The following CSMD1 variants were observed in gnomAD, a reference collection of about 807,000 sequenced individuals.
CSMD1 encodes the protein CUB and sushi domain-containing protein 1.
In CSMD1, 213 loss-of-function variants were observed where a neutral mutation model predicts 417.5. The observed-to-expected ratio is 0.51, with a 90% CI of 0.46 to 0.57. The LOEUF is 0.57. Among genes scored for constraint, CSMD1 ranks in the 20% least tolerant of loss-of-function variants. CSMD1 has a pLI of 0.00. For synonymous variants in CSMD1, 2,862 were observed against 1,736.8 expected (o/e 1.65, Z -16.11); for missense variants, 6,923 against 4,529.7 (o/e 1.53, Z -15.17).
chr8:4,597,170 T>C (rs1051780611), intron 2 of CSMD1, among the ~76,000 whole-genome samples: 2 of 152,190 alleles, frequency 1.3e-5, no homozygotes, highest in African/African-American at 2.4e-5. Flanking sequence ...AGTCAAAACT[T>C]TGAAATAATA....
chr8:3,657,089 G>A (rs1003808875), intron 7 of CSMD1, among the ~76,000 whole-genome samples: 2 of 152,110 alleles, frequency 1.3e-5, no homozygotes, highest in Non-Finnish European at 2.9e-5. Context: ...CCACTACCGA[G>A]TTGCTGCACT....
chr8:4,554,463 A>G (rs1297613436), intron 2 of CSMD1, among the ~76,000 whole-genome samples: 5 of 152,166 alleles, frequency 3.3e-5, no homozygotes, highest in Non-Finnish European at 7.4e-5. Flanking sequence ...TAACATTAGA[A>G]TGTTCACGTA....
chr8:3,069,973 G>C (rs1441371837), intron 49 of CSMD1, among the ~76,000 whole-genome samples: 1 of 152,218 alleles, frequency 6.6e-6, no homozygotes, highest in Non-Finnish European at 1.5e-5. Flanking sequence ...CCACACGGAA[G>C]CTGTCAAGGT....
At chr8:3,973,102 C>T (rs1813195529) in intron 5 of CSMD1, among the ~76,000 whole-genome samples, 1 of 152,164 alleles carries the variant, frequency 6.6e-6, no homozygotes, top group Non-Finnish European at 1.5e-5. Flanking sequence ...TTTTTGCAAG[C>T]CTGCTTTCTT....
intron 12 of CSMD1, among the ~76,000 whole-genome samples, chr8:3,461,813 C>G (rs1203781404): frequency 6.6e-6 from 1 of 152,204 alleles, no homozygotes; most frequent in Non-Finnish European, 1.5e-5. Context: ...AGAACACGGA[C>G]AAGTCTAGCA....
At chr8:4,005,061 C>G (rs948943271) in intron 4 of CSMD1, among the ~76,000 whole-genome samples, 4 of 152,142 alleles carry the variant, frequency 2.6e-5, no homozygotes, top group Middle Eastern at 3.2e-3. Context: ...ATCCTATGTT[C>G]TCACTGATGT....
At chr8:4,679,949 G>T (rs566192642) in intron 1 of CSMD1, among the ~76,000 whole-genome samples, 43 of 152,040 alleles carry the variant, frequency 2.8e-4, no homozygotes, top group African/African-American at 1.0e-3. Flanking sequence ...TTATTAACAG[G>T]GCAGATTTAG....
intron 3 of CSMD1, among the ~76,000 whole-genome samples, chr8:4,047,987 G>C (rs377259318): frequency 8.2e-4 from 125 of 152,218 alleles, no homozygotes; most frequent in African/African-American, 2.4e-3. Flanking sequence ...TTTTCATCCT[G>C]AGAGCTTTAA....
intron 3 of CSMD1, among the ~76,000 whole-genome samples, chr8:4,391,336 G>C (rs1014455116): frequency 6.6e-6 from 1 of 152,242 alleles, no homozygotes; most frequent in South Asian, 2.1e-4. Context: ...CTCATCCCTT[G>C]ACTGAGCTGA....
chr8:3,895,508 G>C (rs866511090), intron 5 of CSMD1, among the ~76,000 whole-genome samples: 30 of 152,166 alleles, frequency 2.0e-4, no homozygotes, highest in South Asian at 8.3e-4. Flanking sequence ...ATCAATTTAA[G>C]TGTATCTATC....
intron 26 of CSMD1, among the ~76,000 whole-genome samples, chr8:3,268,066 G>C (rs1344469753): frequency 6.6e-6 from 1 of 152,166 alleles, no homozygotes; most frequent in East Asian, 1.9e-4. Flanking sequence ...GCCTTCCACA[G>C]CATTGATCTC....
At chr8:4,656,234 G>C (rs571693410) in intron 1 of CSMD1, among the ~76,000 whole-genome samples, 2 of 152,132 alleles carry the variant, frequency 1.3e-5, no homozygotes, top group African/African-American at 2.4e-5. Flanking sequence ...AAAGCCTTAG[G>C]TTAGGAGCCA....
intron 40 of CSMD1, 137 bp downstream of exon 40, chr8:3,151,260 T>G (rs555577539): frequency 4.7e-5 from 27 of 573,864 alleles, no homozygotes; most frequent in African/African-American, 4.1e-4. Flanking sequence ...CTGCCAAAGC[T>G]TTATTTAAAT....
chr8:3,300,489 C>A (rs764556267), intron 25 of CSMD1, among the ~76,000 whole-genome samples: 1 of 151,902 alleles, frequency 6.6e-6, no homozygotes, highest in African/African-American at 2.4e-5. Flanking sequence ...CAAGCTCAGG[C>A]GAGTGAAATG....
At chr8:4,808,628 C>A (rs1330472465) in intron 1 of CSMD1, among the ~76,000 whole-genome samples, 11 of 152,138 alleles carry the variant, frequency 7.2e-5, no homozygotes, top group Admixed American at 7.2e-4. Context: ...TAGAACACAG[C>A]CAGCAATCAT....
At chr8:2,972,543 C>G (rs889401813) in intron 57 of CSMD1, among the ~76,000 whole-genome samples, 4 of 152,172 alleles carry the variant, frequency 2.6e-5, no homozygotes, top group Admixed American at 2.6e-4. Flanking sequence ...AGTGCAGTGT[C>G]TATAAGGTGT....
intron 1 of CSMD1, among the ~76,000 whole-genome samples, chr8:4,749,415 G>C (rs577837479): frequency 2.6e-5 from 4 of 152,338 alleles, no homozygotes; most frequent in East Asian, 3.8e-4. Context: ...TATTCTGAAG[G>C]TGTTTAGAGG....
chr8:3,987,639 T>C (rs1814432427), intron 5 of CSMD1, among the ~76,000 whole-genome samples: 1 of 152,104 alleles, frequency 6.6e-6, no homozygotes, highest in Non-Finnish European at 1.5e-5. Flanking sequence ...GAGTAGGGCT[T>C]TGCTGATAAA....
At chr8:4,412,546 G>A (rs542879798) in intron 3 of CSMD1, among the ~76,000 whole-genome samples, 11 of 152,082 alleles carry the variant, frequency 7.2e-5, no homozygotes, top group East Asian at 3.9e-4. Flanking sequence ...CCCAGTCTCC[G>A]GTATTTCTTT....
Sources: gnomAD v4.1 joint callset for allele counts (sites outside exome capture counted in the v4.1 genomes callset) on GRCh38, gnomAD v4.1.1 for gene constraint, MANE v1.5 for transcripts, NCBI Gene and HGNC (gene_info 2026-07-23, HGNC 2026-07-21) for gene names.